Variants in DCC observed in about 807,000 individuals in gnomAD.
DCC encodes the protein DCC netrin 1 receptor.
A neutral mutation model predicts 172.5 loss-of-function variants in DCC; 58 were observed. That is an observed-to-expected ratio of 0.34 (90% CI 0.27 to 0.42). The LOEUF is 0.42. Among genes scored for constraint, DCC ranks in the 10% least tolerant of loss-of-function variants. The probability of loss-of-function intolerance (pLI) is 1.00; values close to 1 mark genes in which losing one functional copy is unlikely to be tolerated. For missense variants in DCC, 1,740 were observed against 1,791.0 expected (o/e 0.97, Z 0.51); for synonymous variants, 709 against 644.5 (o/e 1.10, Z -1.52).
At chr18:52,684,092 A>G (rs908724705) in intron 1 of DCC, among the ~76,000 whole-genome samples, 1 of 151,962 alleles carries the variant, frequency 6.6e-6, no homozygotes, top group Non-Finnish European at 1.5e-5. Context: ...AAAACAGTTC[A>G]TTTTTCTTTG....
At chr18:52,806,330 CATT>C (rs1183716777) in intron 2 of DCC, among the ~76,000 whole-genome samples, 1 of 152,170 alleles carries the variant, frequency 6.6e-6, no homozygotes, top group Non-Finnish European at 1.5e-5. Context: ...ATTGATACAT[CATT>C]ATCACCCACA....
At chr18:52,976,864 G>T (rs2041126941) in intron 5 of DCC, among the ~76,000 whole-genome samples, 1 of 152,146 alleles carries the variant, frequency 6.6e-6, no homozygotes, top group South Asian at 2.1e-4. Context: ...TTTGTGAAGG[G>T]TACACAGTTC....
chr18:52,390,243 G>C (rs2144346965), intron 1 of DCC, among the ~76,000 whole-genome samples: 1 of 152,176 alleles, frequency 6.6e-6, no homozygotes, highest in South Asian at 2.1e-4. Context: ...CCATTTCTCA[G>C]TAATGAAACA....
At chr18:53,263,457 T>G (rs997952651) in intron 12 of DCC, among the ~76,000 whole-genome samples, 5 of 152,320 alleles carry the variant, frequency 3.3e-5, no homozygotes, top group African/African-American at 1.2e-4. Context: ...CAGCCTGAAG[T>G]GTGTAATTTT....
chr18:53,082,932 T>C (rs3922754), intron 7 of DCC, among the ~76,000 whole-genome samples: 103,311 of 151,784 alleles, frequency 0.68, 36,717 homozygotes, highest in African/African-American at 0.87. Context: ...AAATTCTACA[T>C]CTCACTGAAT....
At position 52,813,388 on chromosome 18, in the gene DCC, G is replaced by C. The variant is rs1019274320; in HGVS notation, c.412+61014G>C. ...TGGTAGTTTTTAGGGAGGGGGAACA[G>C]TACAGAATGGCACATGAGATGACTC... On this transcript the variant is annotated intron_variant, in intron 2 of 28. Transcript: ENST00000442544. Among the ~76,000 whole-genome samples the C allele has an allele frequency of 8.1e-4, 124 of 152,180 alleles. 1 individual carries two copies. Among genetic ancestry groups the C allele is most frequent in the Non-Finnish European group, 2.2e-4 (15 of 68,034 alleles).
chr18:52,620,892 A>G (rs2034466515), intron 1 of DCC, among the ~76,000 whole-genome samples: 1 of 152,350 alleles, frequency 6.6e-6, no homozygotes, highest in African/African-American at 2.4e-5. Context: ...TATATGCTGA[A>G]CGCTAGTTAC....
intron 1 of DCC, among the ~76,000 whole-genome samples, chr18:52,403,595 A>T (rs535675058): frequency 5.9e-5 from 9 of 152,112 alleles, no homozygotes; most frequent in African/African-American, 2.2e-4. Context: ...CACATTCTTT[A>T]TATTGTTCAC....
intron 1 of DCC, among the ~76,000 whole-genome samples, chr18:52,663,579 T>C (rs1338941093): frequency 6.6e-6 from 1 of 152,090 alleles, no homozygotes. Context: ...AAACAAAAAT[T>C]TTTATAAGAA....
At chr18:53,110,510 G>A (rs548967288) in intron 7 of DCC, among the ~76,000 whole-genome samples, 1 of 151,844 alleles carries the variant, frequency 6.6e-6, no homozygotes, top group Non-Finnish European at 1.5e-5. Flanking sequence ...AAATCCAGCA[G>A]AGACGTCTAA....
chr18:52,666,415 T>C (rs1337019976), intron 1 of DCC, among the ~76,000 whole-genome samples: 1 of 152,256 alleles, frequency 6.6e-6, no homozygotes, highest in Non-Finnish European at 1.5e-5. Flanking sequence ...AATGTAATGA[T>C]TGATCTTAAG....
intron 1 of DCC, among the ~76,000 whole-genome samples, chr18:52,616,193 C>G (rs1393155968): frequency 1.3e-5 from 2 of 152,124 alleles, no homozygotes; most frequent in South Asian, 2.1e-4. Flanking sequence ...AGAATTCGAA[C>G]TAGGATAACA....
chr18:53,117,749 C>G (rs1419605657), intron 7 of DCC, among the ~76,000 whole-genome samples: 2 of 151,630 alleles, frequency 1.3e-5, no homozygotes, highest in Non-Finnish European at 3.0e-5. Flanking sequence ...TCTGTTGCAC[C>G]TCCTGGACTC....
rs1353355293 is a variant in DCC, at chr18:53,176,100, G to C, written c.1419-2862G>C. On this transcript the variant is annotated intron_variant, in intron 8 of 28. Transcript: ENST00000442544. The stretch of plus-strand genomic sequence containing the variant: ...GGAAAGGATTCCCTATTTAATAAAT[G>C]GTGCTGGGAAAACTGGCTAGCCATA... Among the ~76,000 whole-genome samples the C allele has an allele frequency of 2.8e-5, 4 of 143,374 alleles. No individual in the cohort carries two copies. In the Admixed American group the frequency reaches 2.8e-4, roughly 10 times the overall value. 94.1% of individuals were successfully genotyped at this position (143,374 alleles called of 152,430 possible). A position where few individuals can be genotyped will look rare whatever the true frequency, so the allele number is the denominator to read the frequency against.
At chr18:52,717,011 T>A (rs2145066820) in intron 1 of DCC, among the ~76,000 whole-genome samples, 1 of 152,322 alleles carries the variant, frequency 6.6e-6, no homozygotes, top group South Asian at 2.1e-4. Context: ...CTGCCAAGTA[T>A]GTTCTGCCTA....
chr18:53,468,403 G>C, intron 25 of DCC, among the ~76,000 whole-genome samples: 1 of 11,262 alleles, frequency 8.9e-5, no homozygotes. Context: ...TTTATTTTGA[G>C]ACAGAATCTT....
intron 5 of DCC, among the ~76,000 whole-genome samples, chr18:53,047,247 T>G (rs1316261042): frequency 4.7e-4 from 2 of 4,250 alleles, no homozygotes; most frequent in African/African-American, 7.4e-4. Context: ...TATATATATA[T>G]ATATATATAT....
At chr18:52,485,894 G>T (rs897915210) in intron 1 of DCC, among the ~76,000 whole-genome samples, 5 of 152,020 alleles carry the variant, frequency 3.3e-5, no homozygotes, top group Non-Finnish European at 7.4e-5. Context: ...TATATTTTTA[G>T]ATCATAAATA....
At chr18:53,046,989 T>TAGA (rs2042247175) in intron 5 of DCC, among the ~76,000 whole-genome samples, 1 of 151,488 alleles carries the variant, frequency 6.6e-6, no homozygotes, top group South Asian at 2.1e-4. Context: ...GAATTTGAGG[T>TAGA]AGAAAACATT....
Sources: gnomAD v4.1 joint callset for allele counts (sites outside exome capture counted in the v4.1 genomes callset) on GRCh38, gnomAD v4.1.1 for gene constraint, MANE v1.5 for transcripts, NCBI Gene and HGNC (gene_info 2026-07-23, HGNC 2026-07-21) for gene names.